Variants in LPP observed in about 807,000 individuals in gnomAD.
LPP encodes the protein lipoma-preferred partner.
Under a neutral mutation model 60.4 loss-of-function variants are expected in LPP, and 38 were observed. The ratio of observed to expected loss-of-function variants is 0.63; its 90% CI spans 0.49 to 0.83. The LOEUF (loss-of-function observed/expected upper bound fraction) is 0.83, where lower values mean the gene tolerates loss of function less well. Ranked by LOEUF, LPP falls within the 40% of genes least tolerant of loss-of-function variation. The pLI, the probability that LPP is intolerant of heterozygous loss-of-function variation, is 0.00. For missense variants in LPP, 902 were observed against 783.6 expected (o/e 1.15, Z -1.80); for synonymous variants, 328 against 290.8 (o/e 1.13, Z -1.30).
At position 188,677,789 on chromosome 3, in the gene LPP, C is replaced by T. The variant is rs559158296; in HGVS notation, c.1114-30478C>T. On this transcript the variant is annotated intron_variant, in intron 7 of 11. Coordinates refer to ENST00000617246, the MANE Select transcript of LPP (RefSeq NM_001375462.1). ...TATGGAAGTACAACAGGAGCCCGGA[C>T]TGTCCATTGTCATCTAAATGATGGA... 4.6e-5 allele frequency among the ~76,000 whole-genome samples: 7 copies of T among 152,180 alleles called. No homozygotes were observed. The South Asian group carries it at 1.5e-3, about 32-fold the overall frequency.
rs187181322 is a variant in LPP, at chr3:188,589,733, A to G, written c.430-19428A>G. On this transcript the variant is annotated intron_variant, in intron 6 of 11. Transcript: ENST00000617246. The stretch of plus-strand genomic sequence containing the variant: ...ACTCATTTGCCATATTTTAAAAACA[A>G]ATCATAAAACATGGTAATTGGTAAT... 4.6e-5 allele frequency among the ~76,000 whole-genome samples: 7 copies of G among 152,360 alleles called. No homozygotes were observed. In the East Asian group the frequency reaches 7.7e-4, roughly 17 times the overall value.
At chr3:188,705,961 C>G (rs1261844373) in intron 7 of LPP, among the ~76,000 whole-genome samples, 1 of 152,156 alleles carries the variant, frequency 6.6e-6, no homozygotes, top group African/African-American at 2.4e-5. Context: ...CTTACCCCCA[C>G]TAGACTGCAA....
intron 1 of LPP, among the ~76,000 whole-genome samples, chr3:188,204,394 G>A (rs1732567138): frequency 6.6e-6 from 1 of 152,154 alleles, no homozygotes; most frequent in Non-Finnish European, 1.5e-5. Context: ...TCTTTAGGAT[G>A]TGCCGGGAAT....
At chr3:188,608,041 T>C (rs1376655401) in intron 6 of LPP, among the ~76,000 whole-genome samples, 1 of 152,130 alleles carries the variant, frequency 6.6e-6, no homozygotes, top group Non-Finnish European at 1.5e-5. Flanking sequence ...ATAGTGTGTC[T>C]CTCCCTGTCC....
chr3:188,374,855 GC>G (rs1480618904), intron 3 of LPP, among the ~76,000 whole-genome samples: 2 of 151,994 alleles, frequency 1.3e-5, no homozygotes, highest in Non-Finnish European at 2.9e-5. Context: ...GTCATAGATA[GC>G]TCTTATTATT....
At chr3:188,856,738 A>C (rs190883580) in intron 9 of LPP, among the ~76,000 whole-genome samples, 3 of 152,230 alleles carry the variant, frequency 2.0e-5, no homozygotes, top group Admixed American at 2.0e-4. Context: ...AACTGGTCTA[A>C]ATGTTGGTTA....
chr3:188,337,585 A>G (rs911151120), intron 2 of LPP, among the ~76,000 whole-genome samples: 2 of 152,114 alleles, frequency 1.3e-5, no homozygotes, highest in Non-Finnish European at 2.9e-5. Flanking sequence ...CTTGCTATCC[A>G]GGGTTTCTGT....
intron 6 of LPP, among the ~76,000 whole-genome samples, chr3:188,589,643 ATTT>A (rs1553935776): frequency 6.6e-6 from 1 of 152,028 alleles, no homozygotes; most frequent in Non-Finnish European, 1.5e-5. Flanking sequence ...GTTATTTTGC[ATTT>A]TTTTCTTTAC....
intron 6 of LPP, among the ~76,000 whole-genome samples, chr3:188,533,193 C>G (rs1822647823): frequency 6.6e-6 from 1 of 152,152 alleles, no homozygotes; most frequent in African/African-American, 2.4e-5. Flanking sequence ...CCTGGATCTT[C>G]CCTTCTCATG....
At chr3:188,795,442 G>T (rs759786014) in intron 9 of LPP, among the ~76,000 whole-genome samples, 2 of 152,178 alleles carry the variant, frequency 1.3e-5, no homozygotes, top group Non-Finnish European at 2.9e-5. Context: ...AAGCCTAGAG[G>T]TCCTATGCCA....
chr3:188,574,471 T>G (rs1834163895), intron 6 of LPP, among the ~76,000 whole-genome samples: 2 of 152,232 alleles, frequency 1.3e-5, no homozygotes, highest in South Asian at 4.1e-4. Context: ...GAGGCAAACT[T>G]ATTCCAGTGT....
intron 4 of LPP, among the ~76,000 whole-genome samples, chr3:188,455,552 A>G (rs1797549438): frequency 1.3e-5 from 2 of 152,198 alleles, no homozygotes. Flanking sequence ...GTGCTATTTT[A>G]TCAGTCACTT....
chr3:188,684,812 G>A (rs1301557507), intron 7 of LPP, among the ~76,000 whole-genome samples: 1 of 151,916 alleles, frequency 6.6e-6, no homozygotes, highest in Non-Finnish European at 1.5e-5. Context: ...CATGGTATAG[G>A]ATGATGATGG....
chr3:188,825,615 A>C (rs1411909789), intron 9 of LPP, among the ~76,000 whole-genome samples: 1 of 151,938 alleles, frequency 6.6e-6, no homozygotes, highest in East Asian at 1.9e-4. Flanking sequence ...CTGCTCTTGA[A>C]GATACCAGGG....
chr3:188,855,712 T>G (rs904061994), intron 9 of LPP, among the ~76,000 whole-genome samples: 1 of 152,186 alleles, frequency 6.6e-6, no homozygotes, highest in African/African-American at 2.4e-5. Context: ...CATGCCCTAT[T>G]GAAGCTTTTG....
chr3:188,735,266 AT>A (rs1479688884), intron 8 of LPP, among the ~76,000 whole-genome samples: 3 of 152,132 alleles, frequency 2.0e-5, no homozygotes, highest in Non-Finnish European at 4.4e-5. Flanking sequence ...CAATAGCTTT[AT>A]TATAGTTAGA....
chr3:188,694,634 A>T (rs1265600313), intron 7 of LPP, among the ~76,000 whole-genome samples: 1 of 151,902 alleles, frequency 6.6e-6, no homozygotes, highest in African/African-American at 2.4e-5. Flanking sequence ...CCCGGGAGTC[A>T]GAGGTTGCGG....
At chr3:188,789,216 T>C (rs1742900019) in intron 9 of LPP, among the ~76,000 whole-genome samples, 1 of 152,180 alleles carries the variant, frequency 6.6e-6, no homozygotes, top group South Asian at 2.1e-4. Context: ...TTTACTGCAC[T>C]GGGAAACCAA....
At chr3:188,199,695 G>A (rs1730516684) in intron 1 of LPP, among the ~76,000 whole-genome samples, 1 of 151,774 alleles carries the variant, frequency 6.6e-6, no homozygotes, top group Non-Finnish European at 1.5e-5. Flanking sequence ...TAACCCTGGA[G>A]TTCTAGGTCT....
Sources: allele counts gnomAD v4.1 joint callset (sites outside exome capture counted in the v4.1 genomes callset), GRCh38; gene constraint gnomAD v4.1.1; transcripts MANE v1.5; gene names NCBI Gene and HGNC (gene_info 2026-07-23, HGNC 2026-07-21).